CNTRL: variants seen among roughly 807,000 people sequenced by gnomAD.
The protein encoded by CNTRL is centriolin, also known as 110 kDa centrosomal protein.
Under a neutral mutation model 303.7 loss-of-function variants are expected in CNTRL, and 233 were observed. The ratio of observed to expected loss-of-function variants is 0.77; its 90% CI spans 0.69 to 0.86. The LOEUF is 0.86. CNTRL is among the 40% of genes least tolerant of loss of function. The pLI is 0.00. For synonymous variants in CNTRL, 900 were observed against 922.2 expected (o/e 0.98, Z 0.44); for missense variants, 2,524 against 2,650.6 (o/e 0.95, Z 1.05).
intron 3 of CNTRL, among the ~76,000 whole-genome samples, chr9:121,089,393 T>C (rs1050224453): frequency 6.6e-6 from 1 of 152,172 alleles, no homozygotes; most frequent in Admixed American, 6.5e-5. Context: ...GGATTAATTT[T>C]TTCTGACTCG....
At chr9:121,141,680 A>G in intron 18 of CNTRL, 92 bp downstream of exon 18, 1 of 1,171,936 alleles carries the variant, frequency 8.5e-7, no homozygotes, top group Non-Finnish European at 1.2e-6. Context: ...TCATGTAAAT[A>G]CAACATAATT....
At position 121,145,360 on chromosome 9, in the gene CNTRL, G is replaced by C. The variant is rs1426158599; in HGVS notation, c.3285G>C (p.Gln1095His). Residue 1095 changes from glutamine (Q) to histidine (H), a missense_variant, in exon 22 of 44, where the codon CAG (glutamine) becomes CAC (histidine). Physicochemically the swap from Gln to His is conservative, Grantham distance 24. Coordinates refer to ENST00000373855, the MANE Select transcript of CNTRL (RefSeq NM_007018.6). ...AAAGGACAGAGATTGCAAGGCTGCA[G>C]AATGTACTAGACCTCACTGGAAGTG... ...ERQRTEIARL[Q>H]NVLDLTGSDN... is the part of the protein sequence containing the mutation. 10 of 1,613,582 alleles carry C rather than the reference G, an allele frequency of 6.2e-6. No homozygotes were observed. In the South Asian group the frequency reaches 1.1e-4, roughly 18 times the overall value.
At chr9:121,124,172 C>A in intron 13 of CNTRL, 88 bp downstream of exon 13, 1 of 1,150,136 alleles carries the variant, frequency 8.7e-7, no homozygotes, top group Non-Finnish European at 1.2e-6. Flanking sequence ...CAGATAGTAG[C>A]TAAATACAGT....
rs2050079665 is a variant in CNTRL, at chr9:121,118,438, A to G, written c.1548A>G (p.Glu516=). 19 of 1,613,610 alleles carry G rather than the reference A, an allele frequency of 1.2e-5. No individual in the cohort carries two copies. The highest frequency in any genetic ancestry group is 1.4e-5 in the Non-Finnish European group (17 of 1,179,686). The part of the protein sequence containing the change: ...NKLRQEALDL[E]LQMEKQKQEI... ...TACGCCAGGAAGCTCTGGATCTAGAACTGCAGATGGAAAAGCAAAAGCAGG... is the reference window on the plus strand; with the variant it reads ...TACGCCAGGAAGCTCTGGATCTAGAGCTGCAGATGGAAAAGCAAAAGCAGG... The change falls in exon 12 of 44, where the codon GAA becomes GAG. Residue 516 remains glutamate, a synonymous_variant. Transcript: ENST00000373855.
intron 39 of CNTRL, among the ~76,000 whole-genome samples, chr9:121,170,344 A>G (rs1306986755): frequency 6.6e-6 from 1 of 152,108 alleles, no homozygotes; most frequent in Non-Finnish European, 1.5e-5. Flanking sequence ...GGGTTTCACC[A>G]GGTTGACCAG....
intron 12 of CNTRL, among the ~76,000 whole-genome samples, chr9:121,119,386 C>T (rs1266559814): frequency 1.3e-5 from 2 of 151,490 alleles, no homozygotes; most frequent in Non-Finnish European, 1.5e-5. Flanking sequence ...ACCTCCGCCT[C>T]CCAGGTTCAA....
chr9:121,173,789 G>T (rs1265752426), intron 42 of CNTRL, 52 bp downstream of exon 42: 1 of 1,511,074 alleles, frequency 6.6e-7, no homozygotes, highest in Non-Finnish European at 9.2e-7. Context: ...GGCACATTGG[G>T]GAGGGGAGGG....
rs2052334974 is a variant in CNTRL at position 121,152,535 on chromosome 9, G to T, written c.4014G>T (p.Lys1338Asn). ...ACATAATGCAGCATTTAAAATCAAA[G>T]AAGCGGGAAGAAAGGTGGATGAGAG... ...LEDIMQHLKS[K>N]KREERWMRAS... Residue 1338 changes from lysine (K) to asparagine (N), a missense_variant, in exon 26 of 44, where the codon AAG becomes AAT. By Grantham distance (94) the Lys-to-Asn change is moderately conservative. Coordinates refer to ENST00000373855, the MANE Select transcript of CNTRL (RefSeq NM_007018.6). 6.2e-7 allele frequency: 1 copy of T among 1,613,932 alleles called. No individual in the cohort carries two copies.
chr9:121,107,230 G>C (rs977853717), intron 7 of CNTRL, among the ~76,000 whole-genome samples: 1 of 152,132 alleles, frequency 6.6e-6, no homozygotes, highest in African/African-American at 2.4e-5. Context: ...GACAGTTCTA[G>C]GGAAAGTGTG....
chr9:121,113,881 G>A (rs1337654715), intron 10 of CNTRL, among the ~76,000 whole-genome samples, 157 bp downstream of exon 10: 1 of 151,992 alleles, frequency 6.6e-6, no homozygotes, highest in Non-Finnish European at 1.5e-5. Flanking sequence ...CAGATTTATC[G>A]AGCATTTATT....
chr9:121,160,863 C>T (rs2052813571), intron 32 of CNTRL, among the ~76,000 whole-genome samples: 1 of 152,078 alleles, frequency 6.6e-6, no homozygotes, highest in Non-Finnish European at 1.5e-5. Flanking sequence ...CCTATAGTCC[C>T]AGCTATTCAG....
chr9:121,175,812 C>T (rs921589317), intron 43 of CNTRL, among the ~76,000 whole-genome samples: 4 of 152,184 alleles, frequency 2.6e-5, no homozygotes, highest in Non-Finnish European at 5.9e-5. Flanking sequence ...TCCTCCACTT[C>T]TGGATTTATT....
chr9:121,140,473 C>A (rs1056922445), intron 16 of CNTRL, among the ~76,000 whole-genome samples, 168 bp from the exon 17 acceptor site: 4 of 152,206 alleles, frequency 2.6e-5, no homozygotes, highest in Non-Finnish European at 4.4e-5. Flanking sequence ...AACATTGTTA[C>A]ACTGAGTTTG....
intron 12 of CNTRL, among the ~76,000 whole-genome samples, chr9:121,123,409 C>T (rs545244269): frequency 5.9e-5 from 9 of 152,206 alleles, no homozygotes; most frequent in Non-Finnish European, 8.8e-5. Flanking sequence ...GTGAAACTCC[C>T]GTCTGTACTA....
intron 38 of CNTRL, 30 bp downstream of exon 38, chr9:121,168,351 A>G (rs770856859): frequency 5.7e-6 from 9 of 1,587,206 alleles, no homozygotes; most frequent in Admixed American, 5.0e-5. Context: ...TCACTGGGAG[A>G]TGGGGTATGG....
chr9:121,144,760 C>A, intron 20 of CNTRL, 83 bp from the exon 21 acceptor site: 3 of 1,065,882 alleles, frequency 2.8e-6, no homozygotes, highest in Non-Finnish European at 4.4e-6. Flanking sequence ...GTGATGAAAG[C>A]AGAAGAATCA....
chr9:121,165,738 C>T (rs1413863367), intron 35 of CNTRL, among the ~76,000 whole-genome samples: 4 of 152,184 alleles, frequency 2.6e-5, no homozygotes, highest in Admixed American at 2.6e-4. Flanking sequence ...AGAGGTCACA[C>T]AGCTAGTAAT....
Position 121,162,202 on chromosome 9 carries a change from T to A in CNTRL, c.5354T>A (p.Leu1785Ter), listed in dbSNP as rs772693367. 2 of 1,614,032 alleles carry A rather than the reference T, an allele frequency of 1.2e-6. No homozygotes were observed. Among genetic ancestry groups the A allele is most frequent in the Non-Finnish European group, 1.7e-6 (2 of 1,180,028 alleles). ...GCTTTACAATCGTGTGTTGAGTGTTTGAGCAAAGAAAAGGAAGATCTCCAA... is the reference window on the plus strand; with the variant it reads ...GCTTTACAATCGTGTGTTGAGTGTTAGAGCAAAGAAAAGGAAGATCTCCAA... ...SRALQSCVEC[L>*]SKEKEDLQEK... The change falls in exon 34 of 44, where the codon TTG becomes TAG. Residue 1785 changes from leucine (L) to a stop codon, truncating the protein, a stop_gained. Transcript: ENST00000373855. LOFTEE classifies it high-confidence loss of function.
chr9:121,116,386 A>T (rs7026462), intron 11 of CNTRL, among the ~76,000 whole-genome samples: 102,484 of 151,408 alleles, frequency 0.68, 35,382 homozygotes, highest in East Asian at 0.96. Context: ...TTTTATTTTT[A>T]TTTTTTTGAG....
Sources: allele counts gnomAD v4.1 joint callset (sites outside exome capture counted in the v4.1 genomes callset), GRCh38; gene constraint gnomAD v4.1.1; transcripts MANE v1.5; gene names NCBI Gene and HGNC (gene_info 2026-07-23, HGNC 2026-07-21).